The following DCN variants were observed in gnomAD, a reference collection of about 807,000 sequenced individuals.
DCN encodes decorin.
DCN carries 17 observed loss-of-function variants against 36.5 expected under a neutral mutation model. That is an observed-to-expected ratio of 0.47 (90% CI 0.32 to 0.70). The LOEUF (loss-of-function observed/expected upper bound fraction) is 0.70. DCN is among the 30% of genes least tolerant of loss of function. DCN has a pLI of 0.04. For synonymous variants in DCN, 163 were observed against 161.4 expected (o/e 1.01, Z -0.07); for missense variants, 389 against 430.1 (o/e 0.90, Z 0.84).
intron 6 of DCN, among the ~76,000 whole-genome samples, chr12:91,152,796 C>T (rs1047510576): frequency 9.2e-5 from 14 of 151,948 alleles, no homozygotes; most frequent in Admixed American, 5.3e-4. Flanking sequence ...TAAGTTAGAA[C>T]ATATTAAATG....
intron 7 of DCN, 99 bp from the exon 8 acceptor site, chr12:91,146,351 CT>C (rs376886852): frequency 0.11 from 33,703 of 315,436 alleles, 97 homozygotes; most frequent in African/African-American, 0.16. Flanking sequence ...TAATCCTTCA[CT>C]TTTTTTTTTT....
At chr12:91,180,767 T>C (rs1868366640) in intron 1 of DCN, 1 of 152,184 alleles carries the variant, frequency 6.6e-6, no homozygotes, top group Admixed American at 6.6e-5. Flanking sequence ...TTGTATCTGT[T>C]TCCCATTAAA....
At position 91,178,479 on chromosome 12, in the gene DCN, A is replaced by G; in HGVS notation, c.74T>C (p.Phe25Ser). The G allele has an allele frequency of 6.2e-7, 1 of 1,613,804 alleles. No individual in the cohort carries two copies. Residue 25 changes from phenylalanine (F) to serine (S), a missense_variant, in exon 2 of 8, where the codon TTT (phenylalanine) becomes TCT (serine). Coordinates refer to ENST00000052754, the MANE Select transcript of DCN (RefSeq NM_001920.5). ...AGCCTCATCTTCTAGCATAAAGTCA[A>G]ATAAGCCTCTCTGTTGAAACGGTCC... ...WAGPFQQRGL[F>S]DFMLEDEASG...
At chr12:91,175,650 T>C (rs985481311) in intron 2 of DCN, 2 of 152,142 alleles carry the variant, frequency 1.3e-5, no homozygotes, top group South Asian at 2.1e-4. Flanking sequence ...AGCTTCTCTC[T>C]GCTCATTAAG....
intron 2 of DCN, among the ~76,000 whole-genome samples, chr12:91,171,912 G>A (rs1882983096): frequency 6.6e-6 from 1 of 152,066 alleles, no homozygotes; most frequent in South Asian, 2.1e-4. Context: ...GTAGTAACAG[G>A]AGCATAGTGG....
At chr12:91,147,967 A>G (rs1165138766) in intron 7 of DCN, among the ~76,000 whole-genome samples, 3 of 152,218 alleles carry the variant, frequency 2.0e-5, no homozygotes, top group South Asian at 4.1e-4. Context: ...AGAATGTTAG[A>G]AATGAGTTTA....
intron 7 of DCN, among the ~76,000 whole-genome samples, chr12:91,148,355 G>A (rs1380750441): frequency 1.3e-5 from 2 of 152,032 alleles, no homozygotes; most frequent in Non-Finnish European, 2.9e-5. Flanking sequence ...TTACTGGCAT[G>A]AGCCACTGCG....
intron 6 of DCN, among the ~76,000 whole-genome samples, chr12:91,152,172 C>T (rs1881474100): frequency 6.6e-6 from 1 of 151,994 alleles, no homozygotes; most frequent in Non-Finnish European, 1.5e-5. Flanking sequence ...AACAAATATT[C>T]TTGAAAACTT....
intron 5 of DCN, among the ~76,000 whole-genome samples, chr12:91,155,821 C>T (rs1413409705): frequency 6.6e-6 from 1 of 152,030 alleles, no homozygotes; most frequent in Admixed American, 6.6e-5. Context: ...CCAGTAGTTG[C>T]TACTAAGGAA....
At chr12:91,166,196 T>C (rs1005131989) in intron 2 of DCN, among the ~76,000 whole-genome samples, 4 of 152,196 alleles carry the variant, frequency 2.6e-5, no homozygotes, top group African/African-American at 9.6e-5. Context: ...AGTGACCACC[T>C]ATCTTTATAA....
chr12:91,163,135 C>T (rs1238885793), intron 3 of DCN, among the ~76,000 whole-genome samples: 1 of 152,200 alleles, frequency 6.6e-6, no homozygotes, highest in Non-Finnish European at 1.5e-5. Context: ...CCACATCACA[C>T]TCATTCTACA....
chr12:91,160,486 C>T (rs1408008198), intron 3 of DCN, among the ~76,000 whole-genome samples: 2 of 151,936 alleles, frequency 1.3e-5, no homozygotes, highest in African/African-American at 2.4e-5. Flanking sequence ...GTGACTGTTA[C>T]ATTTATAGGC....
intron 1 of DCN, chr12:91,180,058 A>T (rs1883504478): frequency 6.6e-6 from 1 of 152,152 alleles, no homozygotes; most frequent in African/African-American, 2.4e-5. Flanking sequence ...AAAGTACTTG[A>T]TTATATAGCA....
intron 7 of DCN, 61 bp downstream of exon 7, chr12:91,151,593 T>C (rs1881421284): frequency 6.3e-7 from 1 of 1,597,616 alleles, no homozygotes; most frequent in African/African-American, 1.3e-5. Context: ...CAGCATCCCA[T>C]AAGCAGGGTG....
chr12:91,151,673 G>T lies in DCN; in HGVS notation c.866C>A (p.Ala289Glu), dbSNP rs1177389823. The T allele has an allele frequency of 6.2e-7, 1 of 1,614,016 alleles. No individual in the cohort carries two copies. Among genetic ancestry groups the T allele is most frequent in the Non-Finnish European group, 8.5e-7 (1 of 1,179,940 alleles). Residue 289 changes from alanine (A) to glutamate (E), a missense_variant, in exon 7 of 8, where the codon GCA becomes GAA. Coordinates refer to ENST00000052754, the MANE Select transcript of DCN (RefSeq NM_001920.5). ...CATTACCTGGATGTACTTATGCTCTGCCAGCCCACCAGGTACTCTGGTAAG... is the reference window on the plus strand; with the variant it reads ...CATTACCTGGATGTACTTATGCTCTTCCAGCCCACCAGGTACTCTGGTAAG... ...NKLTRVPGGL[A>E]EHKYIQVVYL...
rs1883421063 is a variant in DCN, at chr12:91,178,352, A to G, written c.201T>C (p.Cys67=). Residue 67 remains cysteine (C), a synonymous_variant, in exon 2 of 8, where the codon TGT becomes TGC. Coordinates refer to ENST00000052754, the MANE Select transcript of DCN (RefSeq NM_001920.5). ...CTGCATCCCACTCACCCAAATCAGA[A>G]CACTGGACCACTCGAAGATGGCATT... ...RCQCHLRVVQ[C]SDLGLDKVPK... 6.2e-7 allele frequency: 1 copy of G among 1,613,680 alleles called. No individual in the cohort carries two copies. Among genetic ancestry groups the G allele is most frequent in the Non-Finnish European group, 8.5e-7 (1 of 1,179,878 alleles).
intron 4 of DCN, among the ~76,000 whole-genome samples, chr12:91,157,871 G>T (rs112923638): frequency 3.9e-5 from 6 of 152,042 alleles, no homozygotes; most frequent in Non-Finnish European, 7.4e-5. Context: ...CTCGTGATCC[G>T]CCTGCTTCGG....
chr12:91,150,360 GA>G (rs1341922706), intron 7 of DCN, among the ~76,000 whole-genome samples: 1 of 152,076 alleles, frequency 6.6e-6, no homozygotes, highest in African/African-American at 2.4e-5. Context: ...TACAGAAAAT[GA>G]ATTAGACTCA....
chr12:91,160,049 A>G (rs769092926), intron 3 of DCN, among the ~76,000 whole-genome samples: 2 of 152,170 alleles, frequency 1.3e-5, no homozygotes, highest in Non-Finnish European at 2.9e-5. Flanking sequence ...AAAACTTCTT[A>G]TTAAGTAACA....
Sources: gnomAD v4.1 joint callset for allele counts (sites outside exome capture counted in the v4.1 genomes callset) on GRCh38, gnomAD v4.1.1 for gene constraint, MANE v1.5 for transcripts, NCBI Gene and HGNC (gene_info 2026-07-23, HGNC 2026-07-21) for gene names.